SGPP2: variants seen among roughly 807,000 people sequenced by gnomAD.
The protein encoded by SGPP2 is sphingosine 1-phosphate phosphohydrolase 2.
A neutral mutation model predicts 33.9 loss-of-function variants in SGPP2; 30 were observed. The observed-to-expected ratio is 0.89, with a 90% CI of 0.66 to 1.20. The LOEUF (loss-of-function observed/expected upper bound fraction) is 1.20. Ranked by LOEUF, SGPP2 falls within the 50% of genes most tolerant of loss-of-function variation. SGPP2 has a pLI of 0.00. For missense variants in SGPP2, 458 were observed against 532.1 expected (o/e 0.86, Z 1.37); for synonymous variants, 233 against 225.0 (o/e 1.04, Z -0.32).
intron 1 of SGPP2, among the ~76,000 whole-genome samples, chr2:222,425,418 G>T (rs914123413): frequency 1.3e-5 from 2 of 152,202 alleles, no homozygotes; most frequent in African/African-American, 4.8e-5. Flanking sequence ...GAGTCTGGGG[G>T]TCCCTCCTGC....
rs1048340996 is a variant in SGPP2, at chr2:222,465,427, A to T, written c.220-9141A>T. ...GTTGGAAAGTCTTGATTCTCTTAAA[A>T]AAAAAAAAGTGAGTAATTAAAAGTG... On this transcript the variant is annotated intron_variant, in intron 1 of 4. Transcript: ENST00000321276. This position sits in a 1 kb window ranked among gnomAD's most constrained non-coding sequence, Gnocchi z 4.1. 7.0e-6 allele frequency among the ~76,000 whole-genome samples: 1 copy of T among 142,404 alleles called. No individual in the cohort carries two copies. Among genetic ancestry groups the T allele is most frequent in the African/African-American group, 3.0e-5 (1 of 32,980 alleles). The allele number at this position is 142,404 out of a possible 152,430, so 93.4% of individuals were successfully genotyped here.
At chr2:222,545,314 C>T (rs1041660993) in intron 4 of SGPP2, among the ~76,000 whole-genome samples, 2 of 145,902 alleles carry the variant, frequency 1.4e-5, no homozygotes, top group African/African-American at 5.1e-5. Flanking sequence ...CAGGGTTTCA[C>T]TCTGTTGCCC....
chr2:222,509,773 A>G (rs1221139918), intron 2 of SGPP2, among the ~76,000 whole-genome samples: 1 of 152,228 alleles, frequency 6.6e-6, no homozygotes, highest in East Asian at 1.9e-4. Flanking sequence ...TATAATCCAC[A>G]TATGATAATA....
At chr2:222,498,017 G>A (rs1430191782) in intron 2 of SGPP2, among the ~76,000 whole-genome samples, 1 of 152,154 alleles carries the variant, frequency 6.6e-6, no homozygotes, top group African/African-American at 2.4e-5. Context: ...TGACCCAGCA[G>A]TGGTAGAAAT....
At chr2:222,459,307 T>A (rs1697623134) in intron 1 of SGPP2, among the ~76,000 whole-genome samples, 1 of 151,942 alleles carries the variant, frequency 6.6e-6, no homozygotes, top group Non-Finnish European at 1.5e-5. Flanking sequence ...CCACCACACC[T>A]GGCTAATTTT....
intron 1 of SGPP2, among the ~76,000 whole-genome samples, chr2:222,471,527 C>T (rs1370863618): frequency 1.3e-5 from 2 of 152,234 alleles, no homozygotes; most frequent in Middle Eastern, 3.4e-3. Context: ...CTTCCCCCCT[C>T]TCCCATAAGA....
chr2:222,497,079 T>C (rs1007028206), intron 2 of SGPP2, among the ~76,000 whole-genome samples: 1 of 152,206 alleles, frequency 6.6e-6, no homozygotes, highest in Non-Finnish European at 1.5e-5. Context: ...CTTAATGGAA[T>C]GGCTCCCCAT....
chr2:222,516,731 T>C (rs568050942), intron 2 of SGPP2, among the ~76,000 whole-genome samples: 7 of 152,208 alleles, frequency 4.6e-5, no homozygotes, highest in Non-Finnish European at 5.9e-5. Context: ...CAACACTTGA[T>C]GTGTCAGTCT....
At chr2:222,478,393 A>G (rs1697982419) in intron 2 of SGPP2, among the ~76,000 whole-genome samples, 1 of 151,738 alleles carries the variant, frequency 6.6e-6, no homozygotes, top group Non-Finnish European at 1.5e-5. Flanking sequence ...AGGTGGATGA[A>G]AGGAAGGGCA....
intron 1 of SGPP2, among the ~76,000 whole-genome samples, chr2:222,428,766 G>C (rs977591488): frequency 6.7e-6 from 1 of 150,102 alleles, no homozygotes; most frequent in Non-Finnish European, 1.5e-5. Flanking sequence ...GCAGAGTGGG[G>C]GAAAAAAAAC....
At chr2:222,546,950 G>A (rs567207183) in intron 4 of SGPP2, among the ~76,000 whole-genome samples, 10 of 152,138 alleles carry the variant, frequency 6.6e-5, no homozygotes, top group African/African-American at 2.4e-4. Context: ...GTGTCACCTG[G>A]GAGTTTGTCA....
In SGPP2 at chr2:222,558,440, C is replaced by G; in HGVS notation, c.742C>G (p.Leu248Val). The change falls in exon 5 of 5, where the codon CTC becomes GTC. Residue 248 changes from leucine (L) to valine (V), a missense_variant. By Grantham distance (32) the Leu-to-Val change is conservative (BLOSUM62 1). Coordinates refer to ENST00000321276, the MANE Select transcript of SGPP2 (RefSeq NM_152386.4). ...CGACTGCCTGGACTCGGCCAGCCCC[C>G]TCTTCCCCGTGTGTGTCATAGTTGT... Reference protein sequence around the residue: ...FIDCLDSASPLFPVCVIVVPF... With the variant: ...FIDCLDSASPVFPVCVIVVPF... The G allele has an allele frequency of 6.2e-7, 1 of 1,614,194 alleles. No homozygotes were observed. Among genetic ancestry groups the G allele is most frequent in the Non-Finnish European group, 8.5e-7 (1 of 1,180,036 alleles).
At chr2:222,536,179 T>C (rs941438120) in intron 4 of SGPP2, among the ~76,000 whole-genome samples, 1 of 152,196 alleles carries the variant, frequency 6.6e-6, no homozygotes, top group Non-Finnish European at 1.5e-5. Flanking sequence ...GGTAGTTTCA[T>C]TGAAGGGTGA....
chr2:222,464,494 C>CT (rs1181840451), intron 1 of SGPP2, among the ~76,000 whole-genome samples: 1 of 152,082 alleles, frequency 6.6e-6, no homozygotes, highest in Non-Finnish European at 1.5e-5. Flanking sequence ...TTGTTCTTTG[C>CT]TTTTTTGAGA....
At chr2:222,443,118 G>T (rs184495206) in intron 1 of SGPP2, among the ~76,000 whole-genome samples, 1 of 152,312 alleles carries the variant, frequency 6.6e-6, no homozygotes, top group East Asian at 1.9e-4. Context: ...TACCAGAATG[G>T]CCATTGTCTG....
chr2:222,483,625 A>C (rs1341214903), intron 2 of SGPP2, among the ~76,000 whole-genome samples: 1 of 152,208 alleles, frequency 6.6e-6, no homozygotes, highest in African/African-American at 2.4e-5. Flanking sequence ...ACGTTTTGTG[A>C]TAATGTGTCA....
At chr2:222,524,819 G>A (rs1369735905) in intron 3 of SGPP2, 125 bp from the exon 4 acceptor site, 2 of 731,896 alleles carry the variant, frequency 2.7e-6, no homozygotes, top group African/African-American at 3.5e-5. Flanking sequence ...CAGATTGCTG[G>A]TCTGGGGAAT....
chr2:222,491,965 A>C (rs1045969887), intron 2 of SGPP2, among the ~76,000 whole-genome samples: 27 of 152,336 alleles, frequency 1.8e-4, no homozygotes, highest in African/African-American at 6.5e-4. Flanking sequence ...GACCCCGTGC[A>C]TGTCTAAAAT....
intron 4 of SGPP2, among the ~76,000 whole-genome samples, chr2:222,538,608 T>G (rs532807191): frequency 1.4e-4 from 21 of 152,202 alleles, no homozygotes; most frequent in Non-Finnish European, 7.3e-5. Context: ...GCTTCCTTGT[T>G]TTAATTTATA....
Sources: allele counts gnomAD v4.1 joint callset (sites outside exome capture counted in the v4.1 genomes callset), GRCh38; gene constraint gnomAD v4.1.1; non-coding constraint Gnocchi (gnomAD v3.1); transcripts MANE v1.5; gene names NCBI Gene and HGNC (gene_info 2026-07-23, HGNC 2026-07-21).